Variants in GABBR2 observed in about 807,000 individuals in gnomAD.
GABBR2 encodes the protein G-protein coupled receptor 51.
A neutral mutation model predicts 105.6 loss-of-function variants in GABBR2; 23 were observed. The observed-to-expected ratio is 0.22, with a 90% confidence interval of 0.16 to 0.31. GABBR2 has a LOEUF of 0.31. Ranked by LOEUF, GABBR2 falls within the 10% of genes least tolerant of loss-of-function variation. GABBR2 has a pLI of 1.00. For synonymous variants in GABBR2, 478 were observed against 499.7 expected (o/e 0.96, Z 0.58); for missense variants, 734 against 1,245.5 (o/e 0.59, Z 6.18).
chr9:98,500,687 G>A (rs1827380622), intron 3 of GABBR2, among the ~76,000 whole-genome samples: 1 of 152,202 alleles, frequency 6.6e-6, no homozygotes, highest in African/African-American at 2.4e-5. Flanking sequence ...GCGATAAGAG[G>A]CTTGGAGGCA....
intron 1 of GABBR2, among the ~76,000 whole-genome samples, chr9:98,648,116 T>TGTGTGTGTGTGTGTGTGTAGATAG: frequency 3.6e-5 from 2 of 55,948 alleles, no homozygotes; most frequent in African/African-American, 6.9e-5. Flanking sequence ...TGTGTGTGTG[T>TGTGTGTGTGTGTGTGTGTAGATAG]ATAGATAGAT....
At position 98,290,276 on chromosome 9, in the gene GABBR2, T is replaced by C. The variant is rs10985754; in HGVS notation, c.*308A>G. On this transcript the variant is annotated 3_prime_UTR_variant, in exon 19 of 19. Coordinates refer to ENST00000259455, the MANE Select transcript of GABBR2 (RefSeq NM_005458.8). ...TCCTTGTCTAGTTTTTTTGTTTTTT[T>C]TTTTTTTTTTTTTTTTTTGCAAGTT... The C allele has an allele frequency of 9.2e-6, 1 of 109,238 alleles. No individual in the cohort carries two copies. Among genetic ancestry groups the C allele is most frequent in the African/African-American group, 4.9e-5 (1 of 20,238 alleles). The allele number at this position is 109,238 out of a possible 1,614,324, so 6.8% of individuals were successfully genotyped here.
At chr9:98,428,604 CT>C (rs1364388441) in intron 7 of GABBR2, among the ~76,000 whole-genome samples, 1 of 152,206 alleles carries the variant, frequency 6.6e-6, no homozygotes, top group Non-Finnish European at 1.5e-5. Context: ...GAAGATGGCT[CT>C]ATGCAGGGAT....
chr9:98,440,967 G>A (rs1198308885), intron 7 of GABBR2, among the ~76,000 whole-genome samples: 3 of 152,124 alleles, frequency 2.0e-5, no homozygotes, highest in Admixed American at 6.6e-5. Context: ...AGAAATGCAC[G>A]TAATCTTCAG....
intron 1 of GABBR2, among the ~76,000 whole-genome samples, chr9:98,615,954 C>T (rs1829576948): frequency 6.6e-6 from 1 of 152,182 alleles, no homozygotes; most frequent in Non-Finnish European, 1.5e-5. Flanking sequence ...CTGCTTAGTG[C>T]TAATAAGTAG....
At chr9:98,393,562 A>G (rs548604886) in intron 9 of GABBR2, among the ~76,000 whole-genome samples, 1 of 152,382 alleles carries the variant, frequency 6.6e-6, no homozygotes, top group Admixed American at 6.5e-5. Context: ...AGTCTCCAAC[A>G]TGCATCAGAC....
At chr9:98,586,284 C>CTTTTT (rs569530376) in intron 1 of GABBR2, among the ~76,000 whole-genome samples, 123 of 131,006 alleles carry the variant, frequency 9.4e-4, no homozygotes, top group African/African-American at 1.3e-3. Flanking sequence ...TCTTTTCTTT[C>CTTTTT]TTTTTTTTTT....
At chr9:98,393,371 A>ATCCATCCATCCATCCATCCATC (rs1832229416) in intron 9 of GABBR2, among the ~76,000 whole-genome samples, 1 of 94,110 alleles carries the variant, frequency 1.1e-5, no homozygotes, top group African/African-American at 7.0e-5. Context: ...ATCCATCCAC[A>ATCCATCCATCCATCCATCCATC]CACCCACTCA....
chr9:98,409,624 A>G (rs138206645), intron 7 of GABBR2, among the ~76,000 whole-genome samples: 2 of 152,246 alleles, frequency 1.3e-5, no homozygotes, highest in African/African-American at 4.8e-5. Context: ...CCTTGCACCC[A>G]ATCAGAGCTA....
At chr9:98,443,699 G>A (rs989657067) in intron 7 of GABBR2, among the ~76,000 whole-genome samples, 4 of 152,140 alleles carry the variant, frequency 2.6e-5, no homozygotes, top group African/African-American at 7.2e-5. Flanking sequence ...CTAAGTGCTG[G>A]GTCTTGTAGA....
chr9:98,482,916 G>C (rs1484035679), intron 4 of GABBR2, among the ~76,000 whole-genome samples: 3 of 151,878 alleles, frequency 2.0e-5, no homozygotes, highest in African/African-American at 7.3e-5. Context: ...CCTAAATGCT[G>C]GTGTTCTGTC....
At chr9:98,422,283 T>C (rs58312059) in intron 7 of GABBR2, among the ~76,000 whole-genome samples, 4,831 of 152,300 alleles carry the variant, frequency 0.032, 136 homozygotes, top group African/African-American at 0.068. Context: ...TGGCAACACT[T>C]AGAAATACAG....
intron 1 of GABBR2, among the ~76,000 whole-genome samples, chr9:98,603,130 G>T (rs1018812153): frequency 6.6e-6 from 1 of 152,150 alleles, no homozygotes; most frequent in Non-Finnish European, 1.5e-5. Flanking sequence ...AGAGAGAAAT[G>T]GGTTTCATGT....
intron 13 of GABBR2, among the ~76,000 whole-genome samples, chr9:98,311,517 A>G (rs1564011851): frequency 2.6e-5 from 4 of 152,306 alleles, no homozygotes; most frequent in South Asian, 2.1e-4. Context: ...TCTAACACAA[A>G]ACCTGGCCCA....
At chr9:98,455,739 G>A (rs77406127) in intron 6 of GABBR2, among the ~76,000 whole-genome samples, 5,382 of 152,272 alleles carry the variant, frequency 0.035, 332 homozygotes, top group African/African-American at 0.12. Flanking sequence ...TGTGTCTTCC[G>A]TGGGTGGAGC....
chr9:98,618,020 T>C (rs1304917817), intron 1 of GABBR2, among the ~76,000 whole-genome samples: 5 of 152,198 alleles, frequency 3.3e-5, no homozygotes, highest in Non-Finnish European at 7.3e-5. Flanking sequence ...AGAAAAAGCT[T>C]AGCCCAGTGC....
At chr9:98,322,016 C>T (rs892070630) in intron 13 of GABBR2, among the ~76,000 whole-genome samples, 1 of 152,078 alleles carries the variant, frequency 6.6e-6, no homozygotes, top group Non-Finnish European at 1.5e-5. Flanking sequence ...CCTCACACTC[C>T]CATCCATCAT....
At chr9:98,492,420 G>A (rs1827197362) in intron 4 of GABBR2, among the ~76,000 whole-genome samples, 1 of 128,974 alleles carries the variant, frequency 7.8e-6, no homozygotes. Context: ...TATATACAGA[G>A]TTCCCATACA....
intron 6 of GABBR2, among the ~76,000 whole-genome samples, chr9:98,467,869 C>T (rs538070039): frequency 6.6e-6 from 1 of 152,322 alleles, no homozygotes; most frequent in African/African-American, 2.4e-5. Flanking sequence ...GAAGAATGTC[C>T]CTATTGGAGA....
Sources: allele counts gnomAD v4.1 joint callset (sites outside exome capture counted in the v4.1 genomes callset), GRCh38; gene constraint gnomAD v4.1.1; transcripts MANE v1.5; gene names NCBI Gene and HGNC (gene_info 2026-07-23, HGNC 2026-07-21).